The following RAB5C variants were observed in gnomAD, a reference collection of about 807,000 sequenced individuals.
The protein encoded by RAB5C is ras-related protein Rab-5C.
Under a neutral mutation model 25.2 loss-of-function variants are expected in RAB5C, and 4 were observed. That is an observed-to-expected ratio of 0.16 (90% CI 0.08 to 0.36). The LOEUF (loss-of-function observed/expected upper bound fraction) is 0.36. Ranked by LOEUF, RAB5C falls within the 10% of genes least tolerant of loss-of-function variation. The pLI, the probability that RAB5C is intolerant of heterozygous loss-of-function variation, is 1.00. For missense variants in RAB5C, 199 were observed against 283.8 expected, an observed-to-expected ratio of 0.70 and a Z score of 2.15; for synonymous variants, 100 against 106.4, an observed-to-expected ratio of 0.94 and a Z score of 0.37.
At position 42,130,687 on chromosome 17, in the gene RAB5C, G is replaced by A. The variant is rs896645033; in HGVS notation, c.-88-97C>T. 54 of 1,395,356 alleles carry A rather than the reference G, an allele frequency of 3.9e-5. No individual in the cohort carries two copies. In the African/African-American group the frequency reaches 6.0e-4, roughly 15 times the overall value. The allele number at this position is 1,395,356 out of a possible 1,614,324, so 86.4% of individuals were successfully genotyped here. A position where few individuals can be genotyped will look rare whatever the true frequency, so the allele number is the denominator to read the frequency against. ...GATCTTTCCCTCTGGCCTCACTGAA[G>A]ACCTAGCTGACTGCTTCCCCTCACC... On this transcript the variant is annotated intron_variant, in intron 1 of 5. Transcript: ENST00000346213.
At chr17:42,142,325 G>A (rs1351253518) in intron 1 of RAB5C, among the ~76,000 whole-genome samples, 1 of 152,054 alleles carries the variant, frequency 6.6e-6, no homozygotes, top group Non-Finnish European at 1.5e-5. Context: ...ATGAGCCACC[G>A]CGCCCAGCCC....
intron 1 of RAB5C, among the ~76,000 whole-genome samples, chr17:42,150,544 CAAAAAAAAAAAAA>C (rs759878778): frequency 8.3e-4 from 16 of 19,388 alleles, no homozygotes; most frequent in Admixed American, 1.8e-3. Context: ...AACTCCATCT[CAAAAAAAAAAAAA>C]AAAAAAAAAA....
At chr17:42,147,115 A>G (rs960609896) in intron 1 of RAB5C, among the ~76,000 whole-genome samples, 1 of 150,548 alleles carries the variant, frequency 6.6e-6, no homozygotes, top group African/African-American at 2.5e-5. Context: ...ACAGAAAGAA[A>G]GAAAGAAACA....
chr17:42,138,016 C>T (rs2054555586), intron 1 of RAB5C: 2 of 152,202 alleles, frequency 1.3e-5, no homozygotes, highest in Admixed American at 6.6e-5. Context: ...AAGATTCCCA[C>T]ATATATATTA....
At chr17:42,141,865 G>A (rs922271097) in intron 1 of RAB5C, among the ~76,000 whole-genome samples, 6 of 152,082 alleles carry the variant, frequency 3.9e-5, no homozygotes, top group African/African-American at 7.2e-5. Context: ...GAGCCCCTGC[G>A]CCTTCACTTC....
intron 1 of RAB5C, 72 bp from the exon 2 acceptor site, chr17:42,130,662 G>C (rs1223265138): frequency 1.4e-6 from 2 of 1,446,422 alleles, no homozygotes; most frequent in Non-Finnish European, 1.8e-6. Flanking sequence ...TTAAATTACA[G>C]ATCTTTCCCT....
intron 1 of RAB5C, among the ~76,000 whole-genome samples, chr17:42,149,549 TCCAG>T (rs1345800495): frequency 6.6e-6 from 1 of 152,116 alleles, no homozygotes; most frequent in African/African-American, 2.4e-5. Flanking sequence ...CCCACTGCAC[TCCAG>T]CCTGGGTGAG....
intron 1 of RAB5C, among the ~76,000 whole-genome samples, chr17:42,146,920 G>A (rs1281629541): frequency 6.6e-6 from 1 of 151,566 alleles, no homozygotes; most frequent in African/African-American, 2.4e-5. Context: ...GCAGGAGAAT[G>A]GCATGAACCC....
chr17:42,149,197 G>C (rs2079655086), intron 1 of RAB5C, among the ~76,000 whole-genome samples: 1 of 152,106 alleles, frequency 6.6e-6, no homozygotes, highest in African/African-American at 2.4e-5. Context: ...TTCTCAAACA[G>C]CCCCAACATA....
At position 42,128,770 on chromosome 17, in the gene RAB5C, T is replaced by C. The variant is rs747593318; in HGVS notation, c.197A>G (p.Asp66Gly). ...AAFLTQTVCL[D>G]DTTVKFEIWD... ...GATCTCAAACTTGACTGTTGTGTCATCCAGGCAGACAGTCTGTGTGAGGAA... is the reference window on the plus strand; with the variant it reads ...GATCTCAAACTTGACTGTTGTGTCACCCAGGCAGACAGTCTGTGTGAGGAA... Residue 66 changes from aspartate (D) to glycine (G), a missense_variant, in exon 3 of 6, where the codon GAT (aspartate) becomes GGT (glycine). Physicochemically the swap from Asp to Gly is moderately conservative, Grantham distance 94. Coordinates refer to ENST00000346213, the MANE Select transcript of RAB5C (RefSeq NM_004583.4). The C allele has an allele frequency of 1.3e-6, 2 of 1,570,508 alleles. No individual in the cohort carries two copies. Among genetic ancestry groups the C allele is most frequent in the Admixed American group, 3.8e-5 (2 of 53,000 alleles).
intron 1 of RAB5C, among the ~76,000 whole-genome samples, chr17:42,132,097 G>T (rs1479462305): frequency 6.6e-6 from 1 of 152,184 alleles, no homozygotes; most frequent in Admixed American, 6.5e-5. Flanking sequence ...TGAACAGGAG[G>T]TATCTGTGGG....
At chr17:42,127,520 T>C (rs2054438574) in intron 4 of RAB5C, among the ~76,000 whole-genome samples, 1 of 151,970 alleles carries the variant, frequency 6.6e-6, no homozygotes, top group Non-Finnish European at 1.5e-5. Context: ...GCAATTCCTT[T>C]TAGGCCCATG....
At chr17:42,137,061 T>C (rs2054544258) in intron 1 of RAB5C, among the ~76,000 whole-genome samples, 1 of 151,918 alleles carries the variant, frequency 6.6e-6, no homozygotes, top group Non-Finnish European at 1.5e-5. Flanking sequence ...ATCCCAGCAC[T>C]TTGGGAGGCT....
At position 42,125,480 on chromosome 17, in the gene RAB5C, G is replaced by A. The variant is rs1555668509; in HGVS notation, c.*303C>T. ...TACAAGGGTTGGGGGGCAAGAGCAT[G>A]TGGCTACTCCCAGCAAGGGAAAATG... On this transcript the variant is annotated 3_prime_UTR_variant, in exon 6 of 6. Coordinates refer to ENST00000346213, the MANE Select transcript of RAB5C (RefSeq NM_004583.4). 2 of 328,352 alleles carry A rather than the reference G, an allele frequency of 6.1e-6. No individual in the cohort carries two copies. 20.3% of individuals were successfully genotyped at this position (328,352 alleles called of 1,614,324 possible).
Position 42,128,251 on chromosome 17 carries a change from A to ATC in RAB5C, c.441+8_441+9dup, listed in dbSNP as rs753323085. The ATC allele has an allele frequency of 2.4e-4, 386 of 1,611,930 alleles. No homozygotes were observed. Among genetic ancestry groups the ATC allele is most frequent in the Non-Finnish European group, 3.0e-4 (348 of 1,178,864 alleles). ...CTCCACTCCTTCCCCCAAGTCTGTC[A>ATC]TCTCCCCACCTGGAATTCCACGGCT... On this transcript the variant is annotated intron_variant, in intron 4 of 5. Transcript: ENST00000346213.
intron 1 of RAB5C, among the ~76,000 whole-genome samples, chr17:42,149,279 A>G (rs2079655618): frequency 6.6e-6 from 1 of 152,176 alleles, no homozygotes; most frequent in African/African-American, 2.4e-5. Context: ...GCAGCTGGCT[A>G]CAAGCAAAAT....
chr17:42,154,264 T>C (rs1272438267), intron 1 of RAB5C, among the ~76,000 whole-genome samples: 1 of 152,006 alleles, frequency 6.6e-6, no homozygotes, highest in Non-Finnish European at 1.5e-5. Flanking sequence ...AAGAACAACA[T>C]AACTAGAGGA....
chr17:42,144,788 G>A (rs376964501), intron 1 of RAB5C, among the ~76,000 whole-genome samples: 54 of 151,820 alleles, frequency 3.6e-4, no homozygotes, highest in Non-Finnish European at 5.9e-4. Context: ...TTAGCTGGGC[G>A]TGGTGGCGGG....
chr17:42,126,671 G>GACC (rs2054428534), intron 5 of RAB5C, 84 bp downstream of exon 5: 1 of 618,126 alleles, frequency 1.6e-6, no homozygotes, highest in South Asian at 2.5e-5. Context: ...GTGGTGAAGG[G>GACC]ACCCCGCAGG....
Sources: allele counts gnomAD v4.1 joint callset (sites outside exome capture counted in the v4.1 genomes callset), GRCh38; gene constraint gnomAD v4.1.1; transcripts MANE v1.5; gene names NCBI Gene and HGNC (gene_info 2026-07-23, HGNC 2026-07-21).